AFAP1: variants seen among roughly 807,000 people sequenced by gnomAD.
AFAP1 encodes actin filament-associated protein 1.
AFAP1 carries 75 observed loss-of-function variants against 93.9 expected under a neutral mutation model. The observed-to-expected ratio is 0.80, with a 90% confidence interval of 0.66 to 0.97. AFAP1 has a LOEUF of 0.97. Among genes scored for constraint, AFAP1 ranks in the 50% least tolerant of loss-of-function variants. The pLI, the probability that AFAP1 is intolerant of heterozygous loss-of-function variation, is 0.00. For synonymous variants in AFAP1, 517 were observed against 430.7 expected (o/e 1.20, Z -2.48); for missense variants, 1,201 against 1,050.8 (o/e 1.14, Z -1.98).
At chr4:7,909,462 C>T (rs1481037509) in intron 1 of AFAP1, among the ~76,000 whole-genome samples, 1 of 152,178 alleles carries the variant, frequency 6.6e-6, no homozygotes, top group African/African-American at 2.4e-5. Flanking sequence ...TCAAACTAGA[C>T]TTACTCTGGT....
intron 6 of AFAP1, among the ~76,000 whole-genome samples, chr4:7,830,782 A>C (rs2149092663): frequency 6.6e-6 from 1 of 152,064 alleles, no homozygotes; most frequent in African/African-American, 2.4e-5. Context: ...ATAATTTTTT[A>C]ATGTTTTATA....
intron 1 of AFAP1, among the ~76,000 whole-genome samples, chr4:7,936,861 G>A (rs540889486): frequency 1.3e-5 from 2 of 152,204 alleles, no homozygotes; most frequent in East Asian, 1.9e-4. Flanking sequence ...GATTACAGGC[G>A]TGAGCCACCA....
chr4:7,926,485 C>A lies in AFAP1; in HGVS notation c.-3+13171G>T, dbSNP rs545222733. 3.3e-5 allele frequency among the ~76,000 whole-genome samples: 5 copies of A among 152,282 alleles called. No homozygotes were observed. In the East Asian group the frequency reaches 9.7e-4, roughly 29 times the overall value. ...TTGTATTCCCAGGGACGGACAAATG[C>A]CTACCGTGGTTAGAAGACGCACTGC... On this transcript the variant is annotated intron_variant, in intron 1 of 17. Transcript: ENST00000420658.
chr4:7,826,869 C>T (rs930075120), intron 6 of AFAP1, among the ~76,000 whole-genome samples: 6 of 152,144 alleles, frequency 3.9e-5, no homozygotes, highest in African/African-American at 1.2e-4. Context: ...CTACACAAAA[C>T]GCATGGAATG....
At chr4:7,826,599 C>G (rs1245590650) in intron 6 of AFAP1, among the ~76,000 whole-genome samples, 5 of 152,272 alleles carry the variant, frequency 3.3e-5, no homozygotes, top group African/African-American at 7.2e-5. Flanking sequence ...CTGTAGCACA[C>G]AAAAGAGATC....
rs1361062572 is a variant in AFAP1 at position 7,939,372 on chromosome 4, G to A, written c.-3+284C>T. ...ACACGGGGACCAGCCACGCCGCGGG[G>A]GCACCGGGCAGGAGCCAGCGCCCGG... is the stretch of plus-strand genomic sequence containing the variant. On this transcript the variant is annotated intron_variant, in intron 1 of 17. Coordinates refer to ENST00000420658, the MANE Select transcript of AFAP1 (RefSeq NM_001134647.2). This position sits in a 1 kb window ranked among gnomAD's most constrained non-coding sequence, Gnocchi z 5.6. The A allele has an allele frequency of 3.1e-6, 1 of 321,458 alleles. No individual in the cohort carries two copies. The highest frequency in any genetic ancestry group is 3.8e-5 in the Admixed American group (1 of 25,984). The allele number at this position is 321,458 out of a possible 1,614,324, so 19.9% of individuals were successfully genotyped here.
intron 1 of AFAP1, among the ~76,000 whole-genome samples, chr4:7,921,355 T>G (rs1720432837): frequency 6.6e-6 from 1 of 151,900 alleles, no homozygotes; most frequent in East Asian, 1.9e-4. Flanking sequence ...GGCTAATTTT[T>G]TTATTTTTAG....
intron 10 of AFAP1, among the ~76,000 whole-genome samples, chr4:7,794,646 C>G (rs28429656): frequency 0.15 from 22,297 of 152,024 alleles, 1,668 homozygotes; most frequent in Middle Eastern, 0.19. Flanking sequence ...CTCAGCCTCC[C>G]AAGCAGCTGG....
At chr4:7,785,745 T>C (rs1415592002) in intron 12 of AFAP1, among the ~76,000 whole-genome samples, 1 of 152,074 alleles carries the variant, frequency 6.6e-6, no homozygotes, top group Non-Finnish European at 1.5e-5. Context: ...AAGACTGGCC[T>C]TGCCAATATA....
At chr4:7,891,713 G>A (rs1718482395) in intron 1 of AFAP1, among the ~76,000 whole-genome samples, 2 of 139,384 alleles carry the variant, frequency 1.4e-5, no homozygotes, top group Non-Finnish European at 1.5e-5. Flanking sequence ...GGAAAGAAAA[G>A]GAAGGTTGAA....
rs1320374571 is a variant in AFAP1, at chr4:7,939,586, G to C, written c.-3+70C>G. The stretch of plus-strand genomic sequence containing the variant: ...CCCCGGACCCTGCGGAGCCCCGCTC[G>C]GAGCTTCCACGCCCGGGGCAGAGAC... On this transcript the variant is annotated intron_variant, in intron 1 of 17. Coordinates refer to ENST00000420658, the MANE Select transcript of AFAP1 (RefSeq NM_001134647.2). This position sits in a 1 kb window ranked among gnomAD's most constrained non-coding sequence, Gnocchi z 5.6. 3 of 393,004 alleles carry C rather than the reference G, an allele frequency of 7.6e-6. No homozygotes were observed. The highest frequency in any genetic ancestry group is 1.5e-5 in the Non-Finnish European group (3 of 201,002). The allele number at this position is 393,004 out of a possible 1,614,324, so 24.3% of individuals were successfully genotyped here.
rs552038521 is a variant in AFAP1, at chr4:7,864,783, T to C, written c.225+3839A>G. 3.4e-4 allele frequency among the ~76,000 whole-genome samples: 51 copies of C among 152,212 alleles called. 1 individual carries two copies. The South Asian group carries it at 4.4e-3, about 13-fold the overall frequency. On this transcript the variant is annotated intron_variant, in intron 3 of 17. Coordinates refer to ENST00000420658, the MANE Select transcript of AFAP1 (RefSeq NM_001134647.2). The stretch of plus-strand genomic sequence containing the variant: ...GAAAAAAATGAGTGCCAAAGCCGAG[T>C]TGATGATTCTCTGAGATGCTTTAGA...
intron 3 of AFAP1, among the ~76,000 whole-genome samples, chr4:7,860,242 C>A (rs921175869): frequency 6.6e-6 from 1 of 151,998 alleles, no homozygotes; most frequent in African/African-American, 2.4e-5. Flanking sequence ...TGCTTGGGAC[C>A]AGAAATGTTT....
At chr4:7,822,733 C>T (rs1387127319) in intron 6 of AFAP1, among the ~76,000 whole-genome samples, 1 of 150,226 alleles carries the variant, frequency 6.7e-6, no homozygotes, top group Admixed American at 6.7e-5. Context: ...TATAGGCGCC[C>T]GCCACTGCGC....
intron 3 of AFAP1, among the ~76,000 whole-genome samples, chr4:7,856,491 T>C (rs918914000): frequency 7.9e-5 from 12 of 152,142 alleles, no homozygotes; most frequent in Non-Finnish European, 1.6e-4. Context: ...CAGCCCGCCT[T>C]GGCCTCCCAA....
chr4:7,843,046 G>T, intron 5 of AFAP1, 93 bp downstream of exon 5: 2 of 1,399,850 alleles, frequency 1.4e-6, no homozygotes, highest in Non-Finnish European at 2.0e-6. Flanking sequence ...TGCCCTTCCT[G>T]CACAGCTGAT....
chr4:7,846,745 C>G (rs1459373543), intron 4 of AFAP1, among the ~76,000 whole-genome samples: 3 of 152,180 alleles, frequency 2.0e-5, no homozygotes, highest in South Asian at 2.1e-4. Flanking sequence ...CGGGCCTGCT[C>G]CAAATTTACA....
chr4:7,849,190 C>A (rs145606505), intron 4 of AFAP1, among the ~76,000 whole-genome samples: 124 of 152,280 alleles, frequency 8.1e-4, no homozygotes, highest in African/African-American at 2.7e-3. Context: ...GCAGGAGACC[C>A]ACCAGGCGTC....
chr4:7,876,541 C>T (rs1717519420), intron 1 of AFAP1, among the ~76,000 whole-genome samples: 1 of 152,136 alleles, frequency 6.6e-6, no homozygotes, highest in South Asian at 2.1e-4. Context: ...GGACAGAAGC[C>T]AGCACTGGAG....
Sources: allele counts gnomAD v4.1 joint callset (sites outside exome capture counted in the v4.1 genomes callset), GRCh38; gene constraint gnomAD v4.1.1; non-coding constraint Gnocchi (gnomAD v3.1); transcripts MANE v1.5; gene names NCBI Gene and HGNC (gene_info 2026-07-23, HGNC 2026-07-21).